Variants in CNTNAP2 observed in about 807,000 individuals in gnomAD.
CNTNAP2 encodes contactin associated protein 2.
Under a neutral mutation model 155.2 loss-of-function variants are expected in CNTNAP2, and 98 were observed. The ratio of observed to expected loss-of-function variants is 0.63; its 90% CI spans 0.54 to 0.75. CNTNAP2 has a LOEUF of 0.75. Ranked by LOEUF, CNTNAP2 falls within the 30% of genes least tolerant of loss-of-function variation. The pLI, the probability that CNTNAP2 is intolerant of heterozygous loss-of-function variation, is 0.00. For synonymous variants in CNTNAP2, 651 were observed against 631.2 expected, an observed-to-expected ratio of 1.03 and a Z score of -0.47; for missense variants, 1,727 against 1,688.1, an observed-to-expected ratio of 1.02 and a Z score of -0.40.
intron 9 of CNTNAP2, among the ~76,000 whole-genome samples, chr7:147,359,624 T>A (rs1189204780): frequency 6.6e-6 from 1 of 152,184 alleles, no homozygotes; most frequent in Admixed American, 6.5e-5. Flanking sequence ...CTGCTTTAAC[T>A]GTGCTCTTTG....
chr7:146,336,574 AC>A (rs1801279527), intron 1 of CNTNAP2, among the ~76,000 whole-genome samples: 1 of 152,172 alleles, frequency 6.6e-6, no homozygotes, highest in Non-Finnish European at 1.5e-5. Context: ...CTTTATCAAA[AC>A]TAAAAATATT....
intron 21 of CNTNAP2, among the ~76,000 whole-genome samples, chr7:148,290,578 G>T (rs977479557): frequency 2.6e-5 from 4 of 152,170 alleles, no homozygotes; most frequent in Admixed American, 2.6e-4. Context: ...TAGTGATCAG[G>T]TTCTAAATAA....
At chr7:147,626,869 C>T (rs1392845899) in intron 12 of CNTNAP2, among the ~76,000 whole-genome samples, 2 of 152,164 alleles carry the variant, frequency 1.3e-5, no homozygotes, top group Non-Finnish European at 2.9e-5. Context: ...TTCAAGAAAG[C>T]CAGCACACTA....
chr7:148,014,234 A>G (rs1802133851), intron 15 of CNTNAP2: 1 of 150,406 alleles, frequency 6.6e-6, no homozygotes, highest in Non-Finnish European at 1.5e-5. Flanking sequence ...TAAACTTGAT[A>G]CTTGAACATG....
At chr7:148,347,460 C>A (rs2116591724) in intron 21 of CNTNAP2, among the ~76,000 whole-genome samples, 1 of 152,234 alleles carries the variant, frequency 6.6e-6, no homozygotes. Flanking sequence ...ACACGGTATT[C>A]CTACCATATA....
intron 8 of CNTNAP2, among the ~76,000 whole-genome samples, chr7:147,260,060 T>C (rs960774784): frequency 1.3e-5 from 2 of 152,148 alleles, no homozygotes; most frequent in African/African-American, 4.8e-5. Flanking sequence ...GTAAAGTGGA[T>C]TTCCGAACAG....
intron 1 of CNTNAP2, among the ~76,000 whole-genome samples, chr7:146,556,069 G>A (rs1051428472): frequency 5.3e-5 from 8 of 152,098 alleles, no homozygotes; most frequent in East Asian, 1.9e-4. Context: ...TATCAGCAAC[G>A]TTTATTGGAT....
intron 1 of CNTNAP2, among the ~76,000 whole-genome samples, chr7:146,447,865 A>T (rs973377267): frequency 6.6e-6 from 1 of 152,054 alleles, no homozygotes; most frequent in African/African-American, 2.4e-5. Context: ...ACTGTGTTTA[A>T]GTTCCATATG....
intron 13 of CNTNAP2, among the ~76,000 whole-genome samples, chr7:147,711,728 AACAC>A (rs1796403023): frequency 6.6e-6 from 1 of 152,186 alleles, no homozygotes; most frequent in African/African-American, 2.4e-5. Context: ...TTCCATTTTT[AACAC>A]AGGATGTCTA....
chr7:147,750,769 C>T (rs1317291911), intron 13 of CNTNAP2, among the ~76,000 whole-genome samples: 1 of 152,090 alleles, frequency 6.6e-6, no homozygotes, highest in African/African-American at 2.4e-5. Flanking sequence ...CTGGGTGCGG[C>T]GGCTCATGCC....
chr7:148,258,107 C>T (rs1411361868), intron 20 of CNTNAP2, among the ~76,000 whole-genome samples: 2 of 152,120 alleles, frequency 1.3e-5, no homozygotes, highest in African/African-American at 2.4e-5. Context: ...AAGAAATAGC[C>T]GAAAGTCCAG....
intron 1 of CNTNAP2, among the ~76,000 whole-genome samples, chr7:146,595,869 G>T (rs1277497942): frequency 6.6e-6 from 1 of 151,992 alleles, no homozygotes; most frequent in African/African-American, 2.4e-5. Context: ...GATCTTTAGT[G>T]TTCTATTTGA....
intron 3 of CNTNAP2, among the ~76,000 whole-genome samples, chr7:147,030,902 A>G (rs1387328129): frequency 1.3e-5 from 2 of 152,168 alleles, no homozygotes; most frequent in African/African-American, 4.8e-5. Flanking sequence ...TATATAATAG[A>G]TATTTTTAAT....
At chr7:147,813,998 A>G (rs1168680165) in intron 13 of CNTNAP2, among the ~76,000 whole-genome samples, 12 of 152,090 alleles carry the variant, frequency 7.9e-5, no homozygotes, top group Admixed American at 6.6e-4. Context: ...ACAATAGCTA[A>G]CATTTACTGT....
chr7:147,157,048 T>C (rs1410418769), intron 8 of CNTNAP2, among the ~76,000 whole-genome samples: 2 of 152,132 alleles, frequency 1.3e-5, no homozygotes, highest in African/African-American at 4.8e-5. Context: ...TCTCCAGGCA[T>C]GGCTTTTTGA....
At chr7:147,055,105 T>A (rs572396850) in intron 4 of CNTNAP2, among the ~76,000 whole-genome samples, 4 of 152,300 alleles carry the variant, frequency 2.6e-5, no homozygotes, top group African/African-American at 9.6e-5. Flanking sequence ...TGTAAACATC[T>A]GAATACTCTA....
intron 12 of CNTNAP2, among the ~76,000 whole-genome samples, chr7:147,597,827 C>A (rs1174504159): frequency 1.3e-5 from 2 of 152,174 alleles, no homozygotes; most frequent in Non-Finnish European, 2.9e-5. Context: ...TCCTGGGGAT[C>A]CAATCATATG....
chr7:146,235,107 A>G (rs530288492), intron 1 of CNTNAP2, among the ~76,000 whole-genome samples: 9 of 152,338 alleles, frequency 5.9e-5, no homozygotes, highest in African/African-American at 1.9e-4. Context: ...CTGAGACACA[A>G]TGAAATGGCT....
chr7:146,344,361 AC>A (rs1179227802), intron 1 of CNTNAP2, among the ~76,000 whole-genome samples: 1 of 152,228 alleles, frequency 6.6e-6, no homozygotes, highest in Admixed American at 6.5e-5. Flanking sequence ...AGTGTAAAAA[AC>A]ATAGTTGAAA....
Sources: allele counts gnomAD v4.1 joint callset (sites outside exome capture counted in the v4.1 genomes callset), GRCh38; gene constraint gnomAD v4.1.1; transcripts MANE v1.5; gene names NCBI Gene and HGNC (gene_info 2026-07-23, HGNC 2026-07-21).